Variants in CNTN4 observed in about 807,000 individuals in gnomAD.
CNTN4 encodes the protein contactin 4, also known as contactin-4.
CNTN4 carries 77 observed loss-of-function variants against 122.5 expected under a neutral mutation model. The ratio of observed to expected loss-of-function variants is 0.63; its 90% CI spans 0.52 to 0.76. The LOEUF is 0.76. Ranked by LOEUF, CNTN4 falls within the 30% of genes least tolerant of loss-of-function variation. The pLI is 0.00. For missense variants in CNTN4, 1,256 were observed against 1,259.1 expected (o/e 1.00, Z 0.04); for synonymous variants, 512 against 447.0 (o/e 1.15, Z -1.83).
Position 2,677,883 on chromosome 3 carries a change from G to C in CNTN4, c.56-58332G>C, listed in dbSNP as rs570074029. Among the ~76,000 whole-genome samples the C allele has an allele frequency of 5.8e-4, 88 of 152,228 alleles. 1 individual carries two copies. The South Asian group carries it at 0.018, about 32-fold the overall frequency. ...GGTACAATTTGCAATAAACACAAGA[G>C]TGTGTATTTTACACTACGGAAATGT... On this transcript the variant is annotated intron_variant, in intron 4 of 24. Coordinates refer to ENST00000418658, the MANE Select transcript of CNTN4 (RefSeq NM_175607.3).
chr3:2,454,704 T>C (rs2048934223), intron 3 of CNTN4, among the ~76,000 whole-genome samples: 1 of 137,012 alleles, frequency 7.3e-6, no homozygotes, highest in African/African-American at 2.8e-5. Context: ...AGTTCCAAAG[T>C]CTACGTGCTT....
intron 4 of CNTN4, among the ~76,000 whole-genome samples, chr3:2,734,862 A>T (rs1213758946): frequency 6.6e-6 from 1 of 152,186 alleles, no homozygotes; most frequent in Non-Finnish European, 1.5e-5. Flanking sequence ...ATAATCACAT[A>T]TAAGGGGACT....
intron 13 of CNTN4, among the ~76,000 whole-genome samples, chr3:2,966,444 C>T (rs376106958): frequency 7.9e-5 from 12 of 151,992 alleles, no homozygotes; most frequent in East Asian, 1.9e-4. Flanking sequence ...CAATTGAACT[C>T]GTGGAGACAG....
chr3:2,118,119 T>C (rs1178584007), intron 2 of CNTN4, among the ~76,000 whole-genome samples: 1 of 152,240 alleles, frequency 6.6e-6, no homozygotes, highest in African/African-American at 2.4e-5. Flanking sequence ...TAAATGTTTT[T>C]ATTATATTAT....
chr3:2,354,930 G>T (rs1305692373), intron 3 of CNTN4, among the ~76,000 whole-genome samples: 2 of 152,358 alleles, frequency 1.3e-5, no homozygotes, highest in East Asian at 1.9e-4. Context: ...TTAGCAGCAG[G>T]AAGTGTCTTG....
intron 2 of CNTN4, among the ~76,000 whole-genome samples, chr3:2,168,779 A>G (rs1003654607): frequency 3.3e-5 from 5 of 152,184 alleles, no homozygotes; most frequent in African/African-American, 1.2e-4. Context: ...CATTTTCAAA[A>G]TCAGTAGTGC....
intron 13 of CNTN4, among the ~76,000 whole-genome samples, chr3:2,965,679 G>A (rs962839486): frequency 2.0e-5 from 3 of 152,062 alleles, no homozygotes; most frequent in Admixed American, 2.0e-4. Context: ...TCACTCCCAT[G>A]CCTTAAGTTC....
chr3:2,865,771 T>G (rs1186206227), intron 7 of CNTN4, among the ~76,000 whole-genome samples: 1 of 152,248 alleles, frequency 6.6e-6, no homozygotes, highest in Non-Finnish European at 1.5e-5. Flanking sequence ...TTATACTCAC[T>G]GTCATTTAGT....
chr3:2,569,861 T>A (rs1267509933), intron 3 of CNTN4, among the ~76,000 whole-genome samples: 1 of 152,096 alleles, frequency 6.6e-6, no homozygotes. Context: ...ACAAAAAGTT[T>A]CCTCCTTCCT....
chr3:2,163,603 C>G (rs913678150), intron 2 of CNTN4, among the ~76,000 whole-genome samples: 2 of 151,896 alleles, frequency 1.3e-5, no homozygotes, highest in African/African-American at 4.8e-5. Flanking sequence ...AACTATGCAT[C>G]TGACAAAGGA....
At chr3:3,051,886 A>T (rs894167255) in intron 23 of CNTN4, among the ~76,000 whole-genome samples, 2 of 152,162 alleles carry the variant, frequency 1.3e-5, no homozygotes, top group South Asian at 4.1e-4. Context: ...TTTATAAGGG[A>T]TCTTAGGGAA....
At chr3:2,195,680 G>A (rs1199910034) in intron 2 of CNTN4, among the ~76,000 whole-genome samples, 1 of 152,120 alleles carries the variant, frequency 6.6e-6, no homozygotes, top group Non-Finnish European at 1.5e-5. Context: ...CCAGAATATC[G>A]GTAAGCCCAC....
At chr3:2,725,519 T>G (rs1181999071) in intron 4 of CNTN4, among the ~76,000 whole-genome samples, 1 of 152,206 alleles carries the variant, frequency 6.6e-6, no homozygotes, top group Non-Finnish European at 1.5e-5. Context: ...AATTCCAGCT[T>G]GAATCTAACA....
In CNTN4 at chr3:2,490,027, A is replaced by T. The variant is rs17015044; in HGVS notation, c.-88-81389A>T. On this transcript the variant is annotated intron_variant, in intron 3 of 24. Coordinates refer to ENST00000418658, the MANE Select transcript of CNTN4 (RefSeq NM_175607.3). ...GTCATATGAAGTCATATATTATCCT[A>T]TACAGAGGTTTCTGAAATAGCAGGA... is the stretch of plus-strand genomic sequence containing the variant. Among the ~76,000 whole-genome samples the T allele has an allele frequency of 9.8e-3, 1,484 of 152,144 alleles. 15 individuals are homozygous for T. Among genetic ancestry groups the T allele is most frequent in the African/African-American group, 0.034 (1,407 of 41,488 alleles).
chr3:2,738,741 G>T (rs894200558), intron 5 of CNTN4, among the ~76,000 whole-genome samples: 2 of 152,156 alleles, frequency 1.3e-5, no homozygotes, highest in East Asian at 3.9e-4. Flanking sequence ...ACCCTACTGC[G>T]CAGCATACAC....
intron 4 of CNTN4, among the ~76,000 whole-genome samples, chr3:2,689,839 G>T (rs2085632197): frequency 6.6e-6 from 1 of 152,050 alleles, no homozygotes; most frequent in Non-Finnish European, 1.5e-5. Flanking sequence ...CCTATCTCCA[G>T]CACATACATA....
chr3:2,204,827 A>G (rs2038266509), intron 2 of CNTN4, among the ~76,000 whole-genome samples: 1 of 152,156 alleles, frequency 6.6e-6, no homozygotes, highest in Non-Finnish European at 1.5e-5. Flanking sequence ...TTTGAATAGT[A>G]ACTTATTGAG....
At chr3:2,104,669 A>G (rs2125099138) in intron 2 of CNTN4, among the ~76,000 whole-genome samples, 1 of 152,268 alleles carries the variant, frequency 6.6e-6, no homozygotes, top group South Asian at 2.1e-4. Context: ...TCTGGGGTGG[A>G]CCTCAGTCAC....
intron 12 of CNTN4, among the ~76,000 whole-genome samples, chr3:2,911,003 A>C (rs56044095): frequency 0.42 from 64,545 of 152,054 alleles, 14,200 homozygotes; most frequent in East Asian, 0.66. Context: ...CCCACTCCCC[A>C]CAGCGTAGCA....
Sources: gnomAD v4.1 joint callset for allele counts (sites outside exome capture counted in the v4.1 genomes callset) on GRCh38, gnomAD v4.1.1 for gene constraint, MANE v1.5 for transcripts, NCBI Gene and HGNC (gene_info 2026-07-23, HGNC 2026-07-21) for gene names.